The following ZFAND3 variants were observed in gnomAD, a reference collection of about 807,000 sequenced individuals.
ZFAND3 encodes AN1-type zinc finger protein 3.
A neutral mutation model predicts 29.6 loss-of-function variants in ZFAND3; 10 were observed. The ratio of observed to expected loss-of-function variants is 0.34; its 90% CI spans 0.21 to 0.57. The LOEUF is 0.57. ZFAND3 is among the 20% of genes least tolerant of loss of function. The probability of loss-of-function intolerance (pLI) is 0.86; values close to 1 mark genes in which losing one functional copy is unlikely to be tolerated. For synonymous variants in ZFAND3, 128 were observed against 112.6 expected (o/e 1.14, Z -0.87); for missense variants, 230 against 304.5 (o/e 0.76, Z 1.82).
At chr6:38,057,431 TCTTA>T (rs1311832997) in intron 2 of ZFAND3, among the ~76,000 whole-genome samples, 1 of 152,240 alleles carries the variant, frequency 6.6e-6, no homozygotes, top group East Asian at 1.9e-4. Context: ...AAGAGATAAC[TCTTA>T]CTTAGTGCCC....
chr6:37,866,852 T>G (rs1764599150), intron 1 of ZFAND3, among the ~76,000 whole-genome samples: 1 of 152,260 alleles, frequency 6.6e-6, no homozygotes, highest in South Asian at 2.1e-4. Flanking sequence ...AGGTAAGAAC[T>G]TCACGAAGCC....
At chr6:38,146,622 A>G (rs1766113490) in intron 5 of ZFAND3, among the ~76,000 whole-genome samples, 1 of 152,168 alleles carries the variant, frequency 6.6e-6, no homozygotes, top group African/African-American at 2.4e-5. Context: ...CTTGGGCTCT[A>G]AGGAGCAGGG....
At chr6:38,041,681 TCTTCTC>T (rs1561976778) in intron 2 of ZFAND3, among the ~76,000 whole-genome samples, 10 of 13,738 alleles carry the variant, frequency 7.3e-4, no homozygotes, top group Non-Finnish European at 1.5e-3. Context: ...TTCTTCTTCT[TCTTCTC>T]CTTCTCCTTC....
chr6:38,012,054 T>A (rs1280261732), intron 2 of ZFAND3, among the ~76,000 whole-genome samples: 1 of 152,162 alleles, frequency 6.6e-6, no homozygotes. Flanking sequence ...AGAATTGAGA[T>A]GTTTAGCACA....
intron 1 of ZFAND3, among the ~76,000 whole-genome samples, chr6:37,892,538 G>C (rs1765123605): frequency 6.6e-6 from 1 of 152,170 alleles, no homozygotes; most frequent in African/African-American, 2.4e-5. Context: ...TCAATACCCT[G>C]TCCTTCTACC....
chr6:37,847,228 T>G (rs771551939), intron 1 of ZFAND3, among the ~76,000 whole-genome samples: 1 of 152,162 alleles, frequency 6.6e-6, no homozygotes, highest in Non-Finnish European at 1.5e-5. Flanking sequence ...AGAATTATTT[T>G]AAAATATTAG....
At chr6:38,089,968 C>G (rs1234099305) in intron 4 of ZFAND3, among the ~76,000 whole-genome samples, 2 of 152,186 alleles carry the variant, frequency 1.3e-5, no homozygotes, top group African/African-American at 4.8e-5. Context: ...GTTCTCCTGC[C>G]TCAGCCTCCT....
chr6:37,970,428 G>A (rs1762365828), intron 2 of ZFAND3, among the ~76,000 whole-genome samples: 1 of 152,118 alleles, frequency 6.6e-6, no homozygotes, highest in African/African-American at 2.4e-5. Context: ...GGTGTACTGA[G>A]AGGCCAGAGG....
rs116078473 is a variant in ZFAND3, at chr6:38,131,681, A to G, written c.529+14942A>G. Among the ~76,000 whole-genome samples, 1,126 of 152,318 alleles carry G rather than the reference A, an allele frequency of 7.4e-3. 12 individuals carry two copies. The highest frequency in any genetic ancestry group is 0.026 in the African/African-American group (1,072 of 41,578). On this transcript the variant is annotated intron_variant, in intron 5 of 5. Transcript: ENST00000287218. ...TGTTGTCCCCTTCCTTGCCAGACTC[A>G]AAAAATCTCAGCAGGCAGGAGTACA... is the stretch of plus-strand genomic sequence containing the variant.
chr6:38,051,147 C>T (rs1418161523), intron 2 of ZFAND3, among the ~76,000 whole-genome samples: 1 of 152,052 alleles, frequency 6.6e-6, no homozygotes, highest in Admixed American at 6.6e-5. Context: ...CCCACCACCG[C>T]TCTACCCAGT....
chr6:38,002,397 G>A lies in ZFAND3; in HGVS notation c.113-59196G>A, dbSNP rs538628402. ...TATGTGGTTACAACACGATATTCTA[G>A]GCCAGTTATGTTGGCTCACACCTGT... On this transcript the variant is annotated intron_variant, in intron 2 of 5. Transcript: ENST00000287218. Among the ~76,000 whole-genome samples the A allele has an allele frequency of 1.3e-3, 202 of 151,700 alleles. 1 individual carries two copies. Among genetic ancestry groups the A allele is most frequent in the African/African-American group, 4.7e-3 (196 of 41,336 alleles).
At chr6:38,132,563 C>T (rs976602067) in intron 5 of ZFAND3, among the ~76,000 whole-genome samples, 3 of 152,184 alleles carry the variant, frequency 2.0e-5, no homozygotes, top group Non-Finnish European at 2.9e-5. Flanking sequence ...TGTGTAACCG[C>T]ACTAGTCTCT....
intron 2 of ZFAND3, among the ~76,000 whole-genome samples, chr6:37,994,718 A>G (rs1762820417): frequency 1.3e-5 from 2 of 152,208 alleles, no homozygotes; most frequent in Admixed American, 6.5e-5. Flanking sequence ...GGCTGGATTA[A>G]GCAGTTTGTT....
intron 4 of ZFAND3, among the ~76,000 whole-genome samples, chr6:38,096,949 A>C (rs1157321675): frequency 5.9e-5 from 9 of 152,062 alleles, no homozygotes; most frequent in Admixed American, 2.6e-4. Context: ...CTGAATTACC[A>C]GTAATTACCT....
Position 37,839,637 on chromosome 6 carries a change from C to A in ZFAND3, c.71+19621C>A, listed in dbSNP as rs540405402. Among the ~76,000 whole-genome samples the A allele has an allele frequency of 2.5e-3, 386 of 151,970 alleles. 2 individuals are homozygous for A. The highest frequency in any genetic ancestry group is 9.1e-3 in the African/African-American group (377 of 41,464). The stretch of plus-strand genomic sequence containing the variant: ...TCAAGTGATTCTCCTGCCTCAGCCT[C>A]CCGAGTAGCTGGGACTACAGGCGTG... On this transcript the variant is annotated intron_variant, in intron 1 of 5. Coordinates refer to ENST00000287218, the MANE Select transcript of ZFAND3 (RefSeq NM_021943.3).
chr6:38,037,435 G>A (rs1763680316), intron 2 of ZFAND3, among the ~76,000 whole-genome samples: 1 of 152,266 alleles, frequency 6.6e-6, no homozygotes, highest in South Asian at 2.1e-4. Flanking sequence ...AATTTAACAA[G>A]CATTATAATC....
At position 37,987,997 on chromosome 6, in the gene ZFAND3, TTCTTAC is replaced by T. The variant is rs372900247; in HGVS notation, c.112+58005_112+58010del. 4.7e-4 allele frequency among the ~76,000 whole-genome samples: 72 copies of T among 152,386 alleles called. 1 individual carries two copies. Among genetic ancestry groups the T allele is most frequent in the African/African-American group, 9.6e-4 (40 of 41,600 alleles). On this transcript the variant is annotated intron_variant, in intron 2 of 5. Transcript: ENST00000287218. ...CAGAACTAAACTAATTACTTGCATA[TTCTTAC>T]TCTTACAGAAGCATGCTTTAAAAAC...
At chr6:37,943,729 T>G (rs1761851767) in intron 2 of ZFAND3, among the ~76,000 whole-genome samples, 1 of 152,202 alleles carries the variant, frequency 6.6e-6, no homozygotes, top group Non-Finnish European at 1.5e-5. Context: ...TAGTAAATGA[T>G]GATCATAGAA....
rs569911029 is a variant in ZFAND3, at chr6:38,069,623, C to T, written c.295+7848C>T. Among the ~76,000 whole-genome samples, 117 of 152,190 alleles carry T rather than the reference C, an allele frequency of 7.7e-4. 2 individuals carry two copies. The South Asian group carries it at 0.024, about 31-fold the overall frequency. ...CTGAAAAGATTGATACTTTGCAGTA[C>T]AGTATAATAATGTACAGTTATATGC... On this transcript the variant is annotated intron_variant, in intron 3 of 5. Coordinates refer to ENST00000287218, the MANE Select transcript of ZFAND3 (RefSeq NM_021943.3).
Sources: allele counts gnomAD v4.1 joint callset (sites outside exome capture counted in the v4.1 genomes callset), GRCh38; gene constraint gnomAD v4.1.1; transcripts MANE v1.5; gene names NCBI Gene and HGNC (gene_info 2026-07-23, HGNC 2026-07-21).